Variants in AFG1L observed in about 807,000 individuals in gnomAD.
The protein encoded by AFG1L is AFG1-like ATPase.
Under a neutral mutation model 62.2 loss-of-function variants are expected in AFG1L, and 53 were observed. The ratio of observed to expected loss-of-function variants is 0.85; its 90% confidence interval spans 0.68 to 1.07. AFG1L has a LOEUF of 1.07. Ranked by LOEUF, AFG1L falls within the 50% of genes least tolerant of loss-of-function variation. AFG1L has a pLI of 0.00. For missense variants in AFG1L, 555 were observed against 590.5 expected (o/e 0.94, Z 0.62); for synonymous variants, 228 against 210.3 (o/e 1.08, Z -0.73).
chr6:108,439,706 C>T (rs898621436), intron 7 of AFG1L, among the ~76,000 whole-genome samples: 7 of 152,096 alleles, frequency 4.6e-5, no homozygotes, highest in Admixed American at 4.6e-4. Context: ...TTAAGTTATA[C>T]TTAAATTATA....
chr6:108,438,286 G>T (rs552658393), intron 7 of AFG1L, among the ~76,000 whole-genome samples: 1 of 152,162 alleles, frequency 6.6e-6, no homozygotes. Context: ...GGACAAAGAC[G>T]TTGGCAGGTT....
At chr6:108,413,946 C>CA (rs973325963) in intron 7 of AFG1L, among the ~76,000 whole-genome samples, 17 of 150,942 alleles carry the variant, frequency 1.1e-4, no homozygotes, top group African/African-American at 1.9e-4. Context: ...GATAGAGACA[C>CA]AAAAAAAACC....
chr6:108,392,635 A>G (rs1176721992), intron 6 of AFG1L, among the ~76,000 whole-genome samples: 1 of 152,146 alleles, frequency 6.6e-6, no homozygotes, highest in East Asian at 1.9e-4. Flanking sequence ...AGATTTAGTA[A>G]ATTGTTGTTT....
At chr6:108,327,714 G>A in intron 2 of AFG1L, among the ~76,000 whole-genome samples, 1 of 152,154 alleles carries the variant, frequency 6.6e-6, no homozygotes, top group East Asian at 1.9e-4. Context: ...TGAGACCATA[G>A]CACCCACTTA....
chr6:108,471,663 G>A (rs1247113866), intron 8 of AFG1L, among the ~76,000 whole-genome samples: 1 of 151,884 alleles, frequency 6.6e-6, no homozygotes, highest in Non-Finnish European at 1.5e-5. Context: ...GTTTCACTAT[G>A]TTGGCCAGGT....
intron 8 of AFG1L, among the ~76,000 whole-genome samples, chr6:108,475,629 T>C (rs1191859634): frequency 1.3e-5 from 2 of 152,212 alleles, no homozygotes; most frequent in Non-Finnish European, 2.9e-5. Context: ...CTCATGGAAG[T>C]CAAATAGCAT....
chr6:108,464,995 CT>C (rs1439848311), intron 8 of AFG1L, among the ~76,000 whole-genome samples: 1 of 152,194 alleles, frequency 6.6e-6, no homozygotes, highest in Non-Finnish European at 1.5e-5. Flanking sequence ...CACTTAAATT[CT>C]TTATCCTTAC....
intron 7 of AFG1L, among the ~76,000 whole-genome samples, chr6:108,437,337 A>G (rs531523379): frequency 1.2e-4 from 19 of 152,306 alleles, no homozygotes; most frequent in African/African-American, 4.6e-4. Context: ...GAAGAGAGTA[A>G]TTGTCCCAGA....
intron 1 of AFG1L, among the ~76,000 whole-genome samples, chr6:108,312,870 C>T (rs6941994): frequency 6.6e-6 from 1 of 151,968 alleles, no homozygotes; most frequent in African/African-American, 2.4e-5. Context: ...CTCCTGTGCT[C>T]TAGTGATCCT....
intron 1 of AFG1L, chr6:108,318,395 GAT>G: frequency 3.5e-6 from 1 of 287,360 alleles, no homozygotes; most frequent in East Asian, 8.4e-5. Context: ...GCCAAGTGTT[GAT>G]CTAGTTTCTA....
intron 5 of AFG1L, among the ~76,000 whole-genome samples, chr6:108,357,691 C>G (rs1779345257): frequency 6.6e-6 from 1 of 152,140 alleles, no homozygotes; most frequent in African/African-American, 2.4e-5. Context: ...AGGGAATTGC[C>G]TTAGTTGAAC....
At chr6:108,451,285 A>G (rs556061019) in intron 8 of AFG1L, among the ~76,000 whole-genome samples, 39 of 152,340 alleles carry the variant, frequency 2.6e-4, no homozygotes, top group African/African-American at 8.9e-4. Context: ...GTATTTTATT[A>G]GTCTGATTTC....
chr6:108,399,711 T>C (rs1781479508), intron 6 of AFG1L, among the ~76,000 whole-genome samples: 1 of 147,212 alleles, frequency 6.8e-6, no homozygotes, highest in South Asian at 2.2e-4. Context: ...GGGCATGGTG[T>C]CATGTGCCTA....
chr6:108,423,499 ATCT>A (rs922533026), intron 7 of AFG1L, among the ~76,000 whole-genome samples: 15 of 152,174 alleles, frequency 9.9e-5, no homozygotes, highest in East Asian at 3.9e-4. Flanking sequence ...TATCTAAGAA[ATCT>A]TCTTCTGCCA....
At chr6:108,366,579 T>C (rs1164777687) in intron 6 of AFG1L, among the ~76,000 whole-genome samples, 3 of 151,332 alleles carry the variant, frequency 2.0e-5, no homozygotes, top group Non-Finnish European at 2.9e-5. Context: ...TTTTTTTTTT[T>C]CCCTAAATAT....
intron 8 of AFG1L, among the ~76,000 whole-genome samples, chr6:108,448,040 C>A (rs1008296087): frequency 6.6e-6 from 1 of 152,100 alleles, no homozygotes; most frequent in African/African-American, 2.4e-5. Flanking sequence ...TTGATGACAA[C>A]GTGCATTTGA....
At chr6:108,352,454 CTT>C (rs1453833431) in intron 3 of AFG1L, among the ~76,000 whole-genome samples, 1 of 152,154 alleles carries the variant, frequency 6.6e-6, no homozygotes, top group Admixed American at 6.5e-5. Flanking sequence ...TGCATATAAA[CTT>C]TGTGTGTTGT....
At chr6:108,459,627 G>A (rs1292514162) in intron 8 of AFG1L, among the ~76,000 whole-genome samples, 1 of 152,112 alleles carries the variant, frequency 6.6e-6, no homozygotes, top group Non-Finnish European at 1.5e-5. Context: ...CTGATCCATA[G>A]TATAACATAA....
chr6:108,511,898 T>C (rs1774665151), intron 11 of AFG1L, among the ~76,000 whole-genome samples: 1 of 152,242 alleles, frequency 6.6e-6, no homozygotes, highest in South Asian at 2.1e-4. Flanking sequence ...GATAGCCTGA[T>C]ATCAGAGAAA....
Sources: gnomAD v4.1 joint callset for allele counts (sites outside exome capture counted in the v4.1 genomes callset) on GRCh38, gnomAD v4.1.1 for gene constraint, MANE v1.5 for transcripts, NCBI Gene and HGNC (gene_info 2026-07-23, HGNC 2026-07-21) for gene names.